The following CRYBB2 variants were observed in gnomAD, a reference collection of about 807,000 sequenced individuals.
The protein encoded by CRYBB2 is beta-crystallin B2.
A neutral mutation model predicts 24.3 loss-of-function variants in CRYBB2; 12 were observed. The ratio of observed to expected loss-of-function variants is 0.49; its 90% CI spans 0.32 to 0.80. CRYBB2 has a LOEUF of 0.80. Ranked by LOEUF, CRYBB2 falls within the 30% of genes least tolerant of loss-of-function variation. The pLI is 0.04. For missense variants in CRYBB2, 198 were observed against 268.5 expected (o/e 0.74, Z 1.83); for synonymous variants, 98 against 101.6 (o/e 0.96, Z 0.21).
chr22:25,225,340 T>A (rs1935393158), intron 3 of CRYBB2, among the ~76,000 whole-genome samples: 2 of 152,136 alleles, frequency 1.3e-5, no homozygotes, highest in African/African-American at 4.8e-5. Context: ...GTGGAAAGCC[T>A]GATACAGAGG....
At chr22:25,216,614 T>G (rs187535406), upstream of CRYBB2, among the ~76,000 whole-genome samples, 345 of 152,284 alleles carry the variant, frequency 2.3e-3, 1 homozygote, top group African/African-American at 8.0e-3. Flanking sequence ...TGGGGTTTTT[T>G]GGGGGACATT....
In CRYBB2 at chr22:25,219,667, G is replaced by C. The variant is rs1228222687; in HGVS notation, c.-27+1G>C. On this transcript the variant is annotated splice_donor_variant, in intron 1 of 5. Transcript: ENST00000398215. LOFTEE classifies it low-confidence loss of function (5UTR_SPLICE). ...GCACTCGCAGGGGCTGGTGTCACTG[G>C]TAAGATTGCCTCTCTTGCTTGTCTT... 1 of 152,238 alleles carries C rather than the reference G, an allele frequency of 6.6e-6. No individual in the cohort carries two copies. Among genetic ancestry groups the C allele is most frequent in the African/African-American group, 2.4e-5 (1 of 41,450 alleles). 9.4% of individuals were successfully genotyped at this position (152,238 alleles called of 1,614,324 possible). A position where few individuals can be genotyped will look rare whatever the true frequency, so the allele number is the denominator to read the frequency against.
At chr22:25,222,545 C>T (rs1409920251) in intron 2 of CRYBB2, among the ~76,000 whole-genome samples, 1 of 152,032 alleles carries the variant, frequency 6.6e-6, no homozygotes, top group East Asian at 1.9e-4. Flanking sequence ...TTGAGCCCAG[C>T]CTGGGCAACA....
At chr22:25,215,829 A>G (rs1325166469), upstream of CRYBB2, among the ~76,000 whole-genome samples, 1 of 152,250 alleles carries the variant, frequency 6.6e-6, no homozygotes, top group Non-Finnish European at 1.5e-5. Flanking sequence ...ATTAGGGGAC[A>G]TTAATAATAC....
chr22:25,228,107 C>T (rs1323433704), intron 4 of CRYBB2, 122 bp downstream of exon 4: 2 of 1,477,224 alleles, frequency 1.4e-6, no homozygotes, highest in Non-Finnish European at 1.8e-6. Context: ...CACTGTGCCC[C>T]TTCTGATTGG....
At chr22:25,216,150 A>G (rs950884667), upstream of CRYBB2, among the ~76,000 whole-genome samples, 1 of 152,126 alleles carries the variant, frequency 6.6e-6, no homozygotes, top group African/African-American at 2.4e-5. Context: ...GAATCCATTC[A>G]TTTACTCAAC....
At chr22:25,226,894 G>A (rs1935427270) in intron 3 of CRYBB2, among the ~76,000 whole-genome samples, 1 of 152,102 alleles carries the variant, frequency 6.6e-6, no homozygotes, top group African/African-American at 2.4e-5. Flanking sequence ...GGATGATCTC[G>A]AGCTACTGAC....
intron 1 of CRYBB2, among the ~76,000 whole-genome samples, chr22:25,213,840 G>A (rs1468312516): frequency 3.3e-5 from 5 of 152,136 alleles, no homozygotes; most frequent in South Asian, 4.2e-4. Flanking sequence ...TTGTCTTAGC[G>A]TCTGCTTCTG....
exon 1 of CRYBB2, chr22:25,212,779 G>A (rs1445125716): frequency 6.6e-6 from 1 of 152,172 alleles, no homozygotes; most frequent in East Asian, 1.9e-4. Flanking sequence ...CCTACTAGGA[G>A]CAACCTTCAT....
At chr22:25,220,243 A>G (rs929798637) in intron 1 of CRYBB2, among the ~76,000 whole-genome samples, 6 of 152,190 alleles carry the variant, frequency 3.9e-5, no homozygotes, top group Non-Finnish European at 7.3e-5. Context: ...GACCACGGCC[A>G]AGTGCTTCCG....
At chr22:25,213,899 G>A (rs1033970445) in intron 1 of CRYBB2, among the ~76,000 whole-genome samples, 1 of 152,108 alleles carries the variant, frequency 6.6e-6, no homozygotes, top group Non-Finnish European at 1.5e-5. Context: ...AATTAATTCA[G>A]TCTGTCAATA....
upstream of CRYBB2, among the ~76,000 whole-genome samples, chr22:25,216,828 C>A (rs1335507393): frequency 1.3e-5 from 2 of 152,192 alleles, no homozygotes; most frequent in Non-Finnish European, 2.9e-5. Flanking sequence ...TACTTCCAGT[C>A]TCCATGAATT....
chr22:25,214,245 G>A (rs1935139903), intron 1 of CRYBB2, among the ~76,000 whole-genome samples: 2 of 152,220 alleles, frequency 1.3e-5, no homozygotes, highest in South Asian at 4.1e-4. Context: ...GGCTGAGACA[G>A]GAGGATCACT....
At chr22:25,224,241 C>T (rs1369229167) in intron 2 of CRYBB2, among the ~76,000 whole-genome samples, 1 of 152,052 alleles carries the variant, frequency 6.6e-6, no homozygotes, top group Non-Finnish European at 1.5e-5. Flanking sequence ...TTCAGTTTCC[C>T]TGATGGGGAT....
intron 2 of CRYBB2, 63 bp from the exon 3 acceptor site, chr22:25,224,855 C>T: frequency 1.1e-6 from 1 of 911,368 alleles, no homozygotes; most frequent in Non-Finnish European, 1.9e-6. Flanking sequence ...CTCCCCACGT[C>T]TACCACCCAG....
rs200671614 is a variant in CRYBB2, at chr22:25,226,164, T to TTC, written c.173+1132_173+1133dup. On this transcript the variant is annotated intron_variant, in intron 3 of 5. Coordinates refer to ENST00000398215, the MANE Select transcript of CRYBB2 (RefSeq NM_000496.3). The stretch of plus-strand genomic sequence containing the variant: ...TTAAGATTTTGGTATGAATTTGGAT[T>TTC]TCTCTGTGTGTGTGTGTGTGTGTGT... 9.8e-3 allele frequency among the ~76,000 whole-genome samples: 1,083 copies of TTC among 110,142 alleles called. 10 individuals carry two copies. Among genetic ancestry groups the TTC allele is most frequent in the Middle Eastern group, 0.024 (5 of 212 alleles). 72.3% of individuals were successfully genotyped at this position (110,142 alleles called of 152,430 possible).
chr22:25,220,914 TC>T, intron 1 of CRYBB2, among the ~76,000 whole-genome samples: 1 of 151,238 alleles, frequency 6.6e-6, no homozygotes, highest in East Asian at 1.9e-4. Flanking sequence ...GGGAGAGGAG[TC>T]CCAGGGAGAG....
chr22:25,212,214 C>T (rs1034058519), upstream of CRYBB2, among the ~76,000 whole-genome samples: 3 of 152,162 alleles, frequency 2.0e-5, no homozygotes, highest in South Asian at 2.1e-4. Context: ...AGACATGCTC[C>T]GTAGTTGTAT....
chr22:25,217,053 G>A (rs971350669), upstream of CRYBB2, among the ~76,000 whole-genome samples: 1 of 152,034 alleles, frequency 6.6e-6, no homozygotes, highest in Admixed American at 6.5e-5. Context: ...TCCATCTTTC[G>A]GCTATTGTGA....
Sources: allele counts gnomAD v4.1 joint callset (sites outside exome capture counted in the v4.1 genomes callset), GRCh38; gene constraint gnomAD v4.1.1; transcripts MANE v1.5; gene names NCBI Gene and HGNC (gene_info 2026-07-23, HGNC 2026-07-21).